CNTNAP2: variants seen among roughly 807,000 people sequenced by gnomAD.
The protein encoded by CNTNAP2 is contactin-associated protein-like 2.
In CNTNAP2, 98 loss-of-function variants were observed where a neutral mutation model predicts 155.2. The observed-to-expected ratio is 0.63, with a 90% CI of 0.54 to 0.75. The LOEUF is 0.75. Ranked by LOEUF, CNTNAP2 falls within the 30% of genes least tolerant of loss-of-function variation. The pLI, the probability that CNTNAP2 is intolerant of heterozygous loss-of-function variation, is 0.00. For missense variants in CNTNAP2, 1,727 were observed against 1,688.1 expected, an observed-to-expected ratio of 1.02 and a Z score of -0.40; for synonymous variants, 651 against 631.2, an observed-to-expected ratio of 1.03 and a Z score of -0.47.
At chr7:147,051,936 C>T (rs1477077188) in intron 4 of CNTNAP2, among the ~76,000 whole-genome samples, 1 of 152,110 alleles carries the variant, frequency 6.6e-6, no homozygotes, top group Non-Finnish European at 1.5e-5. Context: ...CCACTGACTA[C>T]CTCTGTAGTC....
chr7:148,210,200 G>C (rs897761916), intron 18 of CNTNAP2, among the ~76,000 whole-genome samples: 2 of 152,212 alleles, frequency 1.3e-5, no homozygotes, highest in Non-Finnish European at 2.9e-5. Flanking sequence ...AGGTCAAAAA[G>C]CGAGTTGGTG....
rs1170720031 is a variant in CNTNAP2 at position 148,419,323 on chromosome 7, A to G, written c.*3707A>G. The stretch of plus-strand genomic sequence containing the variant: ...AGATAGGTCCTAAATTGCTAGTCCC[A>G]GTAGAACCACCTGATCCTAAACCAG... On this transcript the variant is annotated 3_prime_UTR_variant, in exon 24 of 24. Coordinates refer to ENST00000361727, the MANE Select transcript of CNTNAP2 (RefSeq NM_014141.6). 2 of 152,220 alleles carry G rather than the reference A, an allele frequency of 1.3e-5. No homozygotes were observed. Among genetic ancestry groups the G allele is most frequent in the African/African-American group, 2.4e-5 (1 of 41,446 alleles). The allele number at this position is 152,220 out of a possible 1,614,324, so 9.4% of individuals were successfully genotyped here.
At chr7:148,293,852 T>C (rs1797234880) in intron 21 of CNTNAP2, among the ~76,000 whole-genome samples, 1 of 151,786 alleles carries the variant, frequency 6.6e-6, no homozygotes, top group Non-Finnish European at 1.5e-5. Flanking sequence ...CTAGCCAACA[T>C]GGTGAAACCT....
intron 1 of CNTNAP2, among the ~76,000 whole-genome samples, chr7:146,494,426 T>C (rs1797184829): frequency 6.6e-6 from 1 of 152,046 alleles, no homozygotes; most frequent in Admixed American, 6.6e-5. Flanking sequence ...AAATATTGAA[T>C]AATAATATTT....
At chr7:146,820,375 A>C (rs1803256444) in intron 2 of CNTNAP2, among the ~76,000 whole-genome samples, 1 of 152,178 alleles carries the variant, frequency 6.6e-6, no homozygotes, top group Non-Finnish European at 1.5e-5. Context: ...TTGTTCCTGT[A>C]GTATATATAA....
intron 13 of CNTNAP2, among the ~76,000 whole-genome samples, chr7:147,703,804 T>C (rs532802328): frequency 1.3e-5 from 2 of 152,290 alleles, no homozygotes; most frequent in South Asian, 4.1e-4. Context: ...ATTTATTCCT[T>C]CTACCTAAAT....
At chr7:146,224,411 T>C (rs1216596042) in intron 1 of CNTNAP2, among the ~76,000 whole-genome samples, 1 of 148,854 alleles carries the variant, frequency 6.7e-6, no homozygotes, top group African/African-American at 2.5e-5. Flanking sequence ...GTTACGTTTT[T>C]ATCAAGGAAC....
chr7:147,027,131 C>T (rs1042599576), intron 3 of CNTNAP2, among the ~76,000 whole-genome samples: 1 of 151,886 alleles, frequency 6.6e-6, no homozygotes, highest in African/African-American at 2.4e-5. Flanking sequence ...ACTCTTTCTT[C>T]CCCTTAATTG....
At chr7:147,702,301 C>G (rs1796247586) in intron 13 of CNTNAP2, among the ~76,000 whole-genome samples, 2 of 151,886 alleles carry the variant, frequency 1.3e-5, no homozygotes, top group South Asian at 4.1e-4. Context: ...GTGTTTATAT[C>G]TAGTTCTAGC....
chr7:148,257,561 G>A (rs545611396), intron 20 of CNTNAP2, among the ~76,000 whole-genome samples: 1 of 152,288 alleles, frequency 6.6e-6, no homozygotes, highest in Non-Finnish European at 1.5e-5. Flanking sequence ...CTGTTCTTGG[G>A]ATTGGAGGGA....
At position 147,975,037 on chromosome 7, in the gene CNTNAP2, T is replaced by TTTTTTGTATTACGTATAATACAA. The variant is rs1563154353; in HGVS notation, c.2256-2819_2256-2797dup. On this transcript the variant is annotated intron_variant, in intron 14 of 23. Coordinates refer to ENST00000361727, the MANE Select transcript of CNTNAP2 (RefSeq NM_014141.6). ...ATTTTTTGTATTACATATAATACAA[T>TTTTTTGTATTACGTATAATACAA]TTTTTGTATTACGTATAATACAATT... Among the ~76,000 whole-genome samples, 3 of 151,616 alleles carry TTTTTTGTATTACGTATAATACAA rather than the reference T, an allele frequency of 2.0e-5. No individual in the cohort carries two copies. The East Asian group carries it at 5.8e-4, about 29-fold the overall frequency.
At chr7:147,415,911 A>C (rs1797186089) in intron 10 of CNTNAP2, among the ~76,000 whole-genome samples, 1 of 152,180 alleles carries the variant, frequency 6.6e-6, no homozygotes, top group African/African-American at 2.4e-5. Flanking sequence ...TGTGGCTTAT[A>C]CTAGAGAAAC....
intron 1 of CNTNAP2, among the ~76,000 whole-genome samples, chr7:146,460,799 T>C (rs985024075): frequency 6.6e-6 from 1 of 152,124 alleles, no homozygotes; most frequent in Non-Finnish European, 1.5e-5. Context: ...TGTAGAATTG[T>C]GGATGTCAGT....
At chr7:148,334,522 GT>G (rs1798083841) in intron 21 of CNTNAP2, among the ~76,000 whole-genome samples, 1 of 152,226 alleles carries the variant, frequency 6.6e-6, no homozygotes, top group Admixed American at 6.5e-5. Context: ...AGGAAAAGGG[GT>G]TTTTCCAGGT....
chr7:147,873,152 CTAAA>C (rs1563119453), intron 13 of CNTNAP2, among the ~76,000 whole-genome samples: 2 of 152,132 alleles, frequency 1.3e-5, no homozygotes, highest in Non-Finnish European at 2.9e-5. Flanking sequence ...ATCAAGAAAA[CTAAA>C]ATTAGTAACA....
intron 3 of CNTNAP2, among the ~76,000 whole-genome samples, chr7:146,978,016 T>G: frequency 6.6e-6 from 1 of 152,306 alleles, no homozygotes; most frequent in South Asian, 2.1e-4. Context: ...CTTAAATGAC[T>G]TCAGGCAGTG....
In CNTNAP2 at chr7:147,690,956, A is replaced by C. The variant is rs534119530; in HGVS notation, c.2098+51650A>C. Among the ~76,000 whole-genome samples the C allele has an allele frequency of 4.6e-5, 7 of 152,230 alleles. No individual in the cohort carries two copies. In the South Asian group the frequency reaches 1.2e-3, roughly 27 times the overall value. On this transcript the variant is annotated intron_variant, in intron 13 of 23. Coordinates refer to ENST00000361727, the MANE Select transcript of CNTNAP2 (RefSeq NM_014141.6). Reference sequence around the variant, plus strand: ...TATTATTTCAGCTTTTCTAGCAGTTATCTTTATATAGCGGTGAACTTGTGA... The same window carrying C: ...TATTATTTCAGCTTTTCTAGCAGTTCTCTTTATATAGCGGTGAACTTGTGA...
intron 12 of CNTNAP2, among the ~76,000 whole-genome samples, chr7:147,576,393 A>G (rs1211979083): frequency 6.6e-6 from 1 of 152,214 alleles, no homozygotes; most frequent in East Asian, 1.9e-4. Flanking sequence ...CATTCCCACA[A>G]TCTGTCCTAT....
chr7:146,981,777 A>C (rs1798022576), intron 3 of CNTNAP2, among the ~76,000 whole-genome samples: 1 of 152,186 alleles, frequency 6.6e-6, no homozygotes, highest in Admixed American at 6.5e-5. Flanking sequence ...GGCTTAAAAC[A>C]AAACGATTAG....
Sources: allele counts gnomAD v4.1 joint callset (sites outside exome capture counted in the v4.1 genomes callset), GRCh38; gene constraint gnomAD v4.1.1; transcripts MANE v1.5; gene names NCBI Gene and HGNC (gene_info 2026-07-23, HGNC 2026-07-21).